EEFSEC: variants seen among roughly 807,000 people sequenced by gnomAD.
EEFSEC encodes the protein eukaryotic elongation factor, selenocysteine-tRNA specific.
In EEFSEC, 43 loss-of-function variants were observed where a neutral mutation model predicts 42.1. That is an observed-to-expected ratio of 1.02 (90% CI 0.80 to 1.32). The LOEUF (loss-of-function observed/expected upper bound fraction) is 1.32, where lower values mean the gene tolerates loss of function less well. EEFSEC is among the 40% of genes most tolerant of loss of function. The probability of loss-of-function intolerance (pLI) is 0.00; values close to 1 mark genes in which losing one functional copy is unlikely to be tolerated. For synonymous variants in EEFSEC, 354 were observed against 339.1 expected, an observed-to-expected ratio of 1.04 and a Z score of -0.48; for missense variants, 745 against 803.6, an observed-to-expected ratio of 0.93 and a Z score of 0.88.
At chr3:128,315,665 T>C (rs2066937168) in intron 4 of EEFSEC, among the ~76,000 whole-genome samples, 1 of 152,202 alleles carries the variant, frequency 6.6e-6, no homozygotes, top group Admixed American at 6.5e-5. Context: ...GGGCTTGAAG[T>C]CCCTGCACAC....
At chr3:128,347,173 T>C (rs2067322022) in intron 5 of EEFSEC, among the ~76,000 whole-genome samples, 1 of 152,238 alleles carries the variant, frequency 6.6e-6, no homozygotes, top group Non-Finnish European at 1.5e-5. Context: ...TTATGTGCTG[T>C]GTTTTTTATT....
intron 6 of EEFSEC, among the ~76,000 whole-genome samples, chr3:128,393,711 C>A (rs2067944621): frequency 6.6e-6 from 1 of 152,260 alleles, no homozygotes; most frequent in African/African-American, 2.4e-5. Context: ...AGCCCCTCAG[C>A]AGCAATGCTG....
chr3:128,361,149 G>T (rs2067521832), intron 6 of EEFSEC, among the ~76,000 whole-genome samples: 1 of 152,142 alleles, frequency 6.6e-6, no homozygotes, highest in South Asian at 2.1e-4. Flanking sequence ...CTCGCTGCCG[G>T]CTCTACAGGG....
intron 4 of EEFSEC, among the ~76,000 whole-genome samples, chr3:128,337,659 C>A (rs1411654871): frequency 6.6e-6 from 1 of 152,342 alleles, no homozygotes; most frequent in East Asian, 1.9e-4. Context: ...GGACCTGTCA[C>A]AACCAGGTTT....
chr3:128,297,983 G>A (rs938848121), intron 4 of EEFSEC, among the ~76,000 whole-genome samples: 1 of 152,178 alleles, frequency 6.6e-6, no homozygotes, highest in Non-Finnish European at 1.5e-5. Flanking sequence ...GGACAGCCAA[G>A]GAGGGTGCAT....
intron 6 of EEFSEC, among the ~76,000 whole-genome samples, chr3:128,401,137 C>T (rs769007210): frequency 3.3e-5 from 5 of 152,190 alleles, no homozygotes; most frequent in Non-Finnish European, 5.9e-5. Context: ...GAGAGCCACC[C>T]TCCAGCACAT....
chr3:128,267,210 T>C (rs1191566632), intron 4 of EEFSEC, among the ~76,000 whole-genome samples: 3 of 152,108 alleles, frequency 2.0e-5, no homozygotes, highest in Non-Finnish European at 4.4e-5. Flanking sequence ...GAGAAGTCAG[T>C]AGTGGTAAGG....
intron 4 of EEFSEC, among the ~76,000 whole-genome samples, chr3:128,297,587 C>T (rs2066720559): frequency 6.6e-6 from 1 of 152,168 alleles, no homozygotes; most frequent in African/African-American, 2.4e-5. Flanking sequence ...CATTACTCCA[C>T]ATGTCCCAGA....
the EEFSEC span, among the ~76,000 whole-genome samples, chr3:128,422,980 C>A: frequency 1.8e-4 from 28 of 152,254 alleles, no homozygotes; most frequent in African/African-American, 6.8e-4. Flanking sequence ...AGGCCCACAC[C>A]AACCATGGCA....
At chr3:128,197,192 T>C (rs1489776385) in intron 1 of EEFSEC, among the ~76,000 whole-genome samples, 2 of 152,250 alleles carry the variant, frequency 1.3e-5, no homozygotes, top group African/African-American at 4.8e-5. Flanking sequence ...TCATTCTGCA[T>C]AGAATATCTT....
chr3:128,329,791 T>G lies in EEFSEC; in HGVS notation c.787-11442T>G, dbSNP rs528343585. ...GGGCGGGAGCTGTGGGAGCCACACATAGGAGGGACATGGCCAGTGCTGGGC... is the reference window on the plus strand; with the variant it reads ...GGGCGGGAGCTGTGGGAGCCACACAGAGGAGGGACATGGCCAGTGCTGGGC... On this transcript the variant is annotated intron_variant, in intron 4 of 6. Transcript: ENST00000254730. 2.6e-5 allele frequency among the ~76,000 whole-genome samples: 4 copies of G among 152,302 alleles called. No homozygotes were observed. The East Asian group carries it at 7.7e-4, about 29-fold the overall frequency.
chr3:128,289,600 T>A (rs886641755), intron 4 of EEFSEC, among the ~76,000 whole-genome samples: 1 of 152,222 alleles, frequency 6.6e-6, no homozygotes, highest in Non-Finnish European at 1.5e-5. Flanking sequence ...TCAAGTGAAA[T>A]GTCCCATTTT....
At chr3:128,303,118 CATT>C (rs906325221) in intron 4 of EEFSEC, among the ~76,000 whole-genome samples, 1 of 151,766 alleles carries the variant, frequency 6.6e-6, no homozygotes, top group Admixed American at 6.6e-5. Flanking sequence ...TTTTTTTAAA[CATT>C]ATTATTATTA....
intron 4 of EEFSEC, among the ~76,000 whole-genome samples, chr3:128,328,232 G>A (rs1266910085): frequency 1.3e-5 from 2 of 152,234 alleles, no homozygotes; most frequent in African/African-American, 4.8e-5. Context: ...GCTCACTGCT[G>A]ACAGTGGGCA....
downstream of EEFSEC, chr3:128,408,787 G>T (rs1282619415): frequency 6.6e-6 from 1 of 152,654 alleles, no homozygotes; most frequent in African/African-American, 2.4e-5. Context: ...TAGGCTGTGG[G>T]AGTCTGCAGA....
At chr3:128,308,328 G>A (rs1226775827) in intron 4 of EEFSEC, among the ~76,000 whole-genome samples, 1 of 152,244 alleles carries the variant, frequency 6.6e-6, no homozygotes, top group East Asian at 1.9e-4. Context: ...CTTAGTGTGT[G>A]TGCCAGGCTG....
chr3:128,260,157 T>A (rs2066283323), intron 2 of EEFSEC, among the ~76,000 whole-genome samples: 1 of 152,204 alleles, frequency 6.6e-6, no homozygotes, highest in Non-Finnish European at 1.5e-5. Context: ...TAACTTTCAC[T>A]TCTTTGAATA....
intron 4 of EEFSEC, among the ~76,000 whole-genome samples, chr3:128,315,591 G>A (rs1254103581): frequency 6.6e-6 from 1 of 152,188 alleles, no homozygotes; most frequent in Non-Finnish European, 1.5e-5. Flanking sequence ...CAGGAGGGAG[G>A]GAGGGAGTCT....
intron 6 of EEFSEC, among the ~76,000 whole-genome samples, chr3:128,375,024 T>C (rs1033073297): frequency 1.3e-5 from 2 of 152,170 alleles, no homozygotes; most frequent in African/African-American, 4.8e-5. Flanking sequence ...GAAGTTCCCA[T>C]TTTGGTTTGG....
Sources: allele counts gnomAD v4.1 joint callset (sites outside exome capture counted in the v4.1 genomes callset), GRCh38; gene constraint gnomAD v4.1.1; transcripts MANE v1.5; gene names NCBI Gene and HGNC (gene_info 2026-07-23, HGNC 2026-07-21).